The following PRORP variants were observed in gnomAD, a reference collection of about 807,000 sequenced individuals.
PRORP encodes the protein mitochondrial ribonuclease P catalytic subunit.
A neutral mutation model predicts 59.4 loss-of-function variants in PRORP; 51 were observed. The observed-to-expected ratio is 0.86, with a 90% CI of 0.69 to 1.08. PRORP has a LOEUF of 1.08. Among genes scored for constraint, PRORP ranks in the 50% least tolerant of loss-of-function variants. The probability of loss-of-function intolerance (pLI) is 0.00; values close to 1 mark genes in which losing one functional copy is unlikely to be tolerated. For missense variants in PRORP, 646 were observed against 690.3 expected (o/e 0.94, Z 0.72); for synonymous variants, 231 against 245.6 (o/e 0.94, Z 0.55).
At chr14:35,246,555 C>T (rs1292160724) in intron 5 of PRORP, among the ~76,000 whole-genome samples, 1 of 152,190 alleles carries the variant, frequency 6.6e-6, no homozygotes, top group Non-Finnish European at 1.5e-5. Flanking sequence ...TTTGTTGGAT[C>T]TGTAAAGTCA....
At chr14:35,224,300 GTATC>G (rs762593870) in intron 5 of PRORP, among the ~76,000 whole-genome samples, 9 of 152,114 alleles carry the variant, frequency 5.9e-5, no homozygotes, top group Non-Finnish European at 8.8e-5. Flanking sequence ...AATCAGATAA[GTATC>G]TAAGTTATCA....
intron 5 of PRORP, among the ~76,000 whole-genome samples, chr14:35,236,263 A>C (rs1295578913): frequency 2.0e-5 from 3 of 152,264 alleles, no homozygotes; most frequent in African/African-American, 2.4e-5. Context: ...TAACCTACTG[A>C]TCTATTTATC....
intron 4 of PRORP, among the ~76,000 whole-genome samples, chr14:35,128,764 C>T (rs1324540010): frequency 1.3e-5 from 2 of 152,046 alleles, no homozygotes; most frequent in Admixed American, 6.6e-5. Context: ...TTTTGTTTAA[C>T]TTTTCAAAAA....
intron 5 of PRORP, among the ~76,000 whole-genome samples, chr14:35,224,603 A>G (rs2138461228): frequency 6.6e-6 from 1 of 152,336 alleles, no homozygotes; most frequent in South Asian, 2.1e-4. Flanking sequence ...AGCCTCTCCA[A>G]TATATTTTCT....
Position 35,142,318 on chromosome 14 carries a change from C to T in PRORP, c.1167+14707C>T, listed in dbSNP as rs527544482. Among the ~76,000 whole-genome samples, 45 of 140,126 alleles carry T rather than the reference C, an allele frequency of 3.2e-4. 2 individuals carry two copies. Among genetic ancestry groups the T allele is most frequent in the African/African-American group, 1.1e-3 (44 of 40,316 alleles). 91.9% of individuals were successfully genotyped at this position (140,126 alleles called of 152,430 possible). ...GTGTGAGCCACCACACCTGGAAGCT[C>T]ATCCTGTAAATTATAAATTCATTGC... On this transcript the variant is annotated intron_variant, in intron 4 of 7. Coordinates refer to ENST00000534898, the MANE Select transcript of PRORP (RefSeq NM_014672.4).
rs185758653 is a variant in PRORP at position 35,159,307 on chromosome 14, T to G, written c.1168-21363T>G. Among the ~76,000 whole-genome samples, 84 of 152,316 alleles carry G rather than the reference T, an allele frequency of 5.5e-4. 1 individual carries two copies. In the East Asian group the frequency reaches 0.013, roughly 23 times the overall value. On this transcript the variant is annotated intron_variant, in intron 4 of 7. Coordinates refer to ENST00000534898, the MANE Select transcript of PRORP (RefSeq NM_014672.4). Reference sequence around the variant, plus strand: ...TGGCTCTAGACTGCTTTGTGTTTTCTTCCTCTTCTTTTTCCCCTCATCTAA... The same window carrying G: ...TGGCTCTAGACTGCTTTGTGTTTTCGTCCTCTTCTTTTTCCCCTCATCTAA...
chr14:35,170,425 C>T (rs2048286474), intron 4 of PRORP, among the ~76,000 whole-genome samples: 1 of 151,620 alleles, frequency 6.6e-6, no homozygotes, highest in African/African-American at 2.4e-5. Context: ...CAACTCTGGC[C>T]TACAGATCTA....
intron 4 of PRORP, among the ~76,000 whole-genome samples, chr14:35,175,664 C>T (rs2048430405): frequency 6.6e-6 from 1 of 151,604 alleles, no homozygotes; most frequent in African/African-American, 2.4e-5. Flanking sequence ...GAGTAGATAG[C>T]AAAAATTTTC....
At chr14:35,149,197 G>A (rs1363105956) in intron 4 of PRORP, among the ~76,000 whole-genome samples, 3 of 151,502 alleles carry the variant, frequency 2.0e-5, no homozygotes, top group Admixed American at 2.0e-4. Context: ...GGGATTACAA[G>A]CGTGAGCCAC....
At chr14:35,244,020 T>G (rs1328927984) in intron 5 of PRORP, among the ~76,000 whole-genome samples, 1 of 152,218 alleles carries the variant, frequency 6.6e-6, no homozygotes. Context: ...TCCATGTTTC[T>G]GCCTTGATTC....
In PRORP at chr14:35,124,000, AGGGAGCTCT is replaced by A; in HGVS notation, c.756_764del (p.Gln252_Leu255delinsHis). The A allele has an allele frequency of 1.9e-6, 3 of 1,614,112 alleles. No homozygotes were observed. The highest frequency in any genetic ancestry group is 1.7e-6 in the Non-Finnish European group (2 of 1,180,006). On this transcript the variant is annotated inframe_deletion, in exon 2 of 8. Coordinates refer to ENST00000534898, the MANE Select transcript of PRORP (RefSeq NM_014672.4). The stretch of plus-strand genomic sequence containing the variant: ...AAAAAGAACTATAATGACTGTATCC[AGGGAGCTCT>A]CCTTCATCAAGATGTAAACACAGCT...
intron 5 of PRORP, chr14:35,235,064 C>T (rs1309412458): frequency 1.2e-5 from 5 of 402,380 alleles, no homozygotes; most frequent in Non-Finnish European, 1.9e-5. Flanking sequence ...AAATGGCACT[C>T]TTTCAATGTT....
At chr14:35,249,532 T>G (rs1445657549) in intron 5 of PRORP, among the ~76,000 whole-genome samples, 1 of 152,140 alleles carries the variant, frequency 6.6e-6, no homozygotes, top group East Asian at 1.9e-4. Flanking sequence ...GAGACCACAA[T>G]GAACCATGAT....
chr14:35,263,128 T>A, intron 5 of PRORP: 1 of 873,266 alleles, frequency 1.1e-6, no homozygotes, highest in South Asian at 1.6e-5. Context: ...ACCTATTGAT[T>A]TGGAAAGAAA....
At chr14:35,267,005 AGATTTGAGAC>A in intron 6 of PRORP, 130 bp downstream of exon 6, 3 of 872,116 alleles carry the variant, frequency 3.4e-6, no homozygotes, top group Non-Finnish European at 4.9e-6. Flanking sequence ...AAAAAAAAAA[AGATTTGAGAC>A]AACTTACAAA....
chr14:35,227,866 C>T (rs903013644), intron 5 of PRORP, among the ~76,000 whole-genome samples: 10 of 152,088 alleles, frequency 6.6e-5, no homozygotes, highest in African/African-American at 1.2e-4. Context: ...TTAAATCAGC[C>T]GGGCGCAGTG....
At chr14:35,200,051 AC>A (rs1356341680) in intron 5 of PRORP, among the ~76,000 whole-genome samples, 1 of 152,194 alleles carries the variant, frequency 6.6e-6, no homozygotes, top group Non-Finnish European at 1.5e-5. Flanking sequence ...CTTCAAATGA[AC>A]CAAAATAATC....
Position 35,126,776 on chromosome 14 carries a change from GA to G in PRORP, c.1033del (p.Ser345ValfsTer11). The G allele has an allele frequency of 1.2e-6, 2 of 1,606,956 alleles. No homozygotes were observed. Among genetic ancestry groups the G allele is most frequent in the South Asian group, 2.2e-5 (2 of 89,782 alleles). ...KQWKGQFTTV[R>X]KSGQCSGCGK... ...TGGAAAGGACAATTCACCACAGTCC[GA>G]AAAAGGTGAAGACCAATGTTTATTT... On this transcript the variant is annotated frameshift_variant, in exon 3 of 8. Coordinates refer to ENST00000534898, the MANE Select transcript of PRORP (RefSeq NM_014672.4). LOFTEE classifies it high-confidence loss of function.
intron 5 of PRORP, among the ~76,000 whole-genome samples, chr14:35,187,592 T>A (rs1412161462): frequency 6.6e-6 from 1 of 151,972 alleles, no homozygotes; most frequent in Non-Finnish European, 1.5e-5. Flanking sequence ...CTGGCTAATT[T>A]TTTTTTTTCG....
Sources: gnomAD v4.1 joint callset for allele counts (sites outside exome capture counted in the v4.1 genomes callset) on GRCh38, gnomAD v4.1.1 for gene constraint, MANE v1.5 for transcripts, NCBI Gene and HGNC (gene_info 2026-07-23, HGNC 2026-07-21) for gene names.